ZHX2: variants seen among roughly 807,000 people sequenced by gnomAD.
ZHX2 encodes the protein zinc fingers and homeoboxes 2, also known as zinc fingers and homeoboxes protein 2.
In ZHX2, 6 loss-of-function variants were observed where a neutral mutation model predicts 21.9. That is an observed-to-expected ratio of 0.27 (90% CI 0.15 to 0.54). The LOEUF (loss-of-function observed/expected upper bound fraction) is 0.54. ZHX2 is among the 20% of genes least tolerant of loss of function. The pLI is 0.95. For missense variants in ZHX2, 908 were observed against 1,090.7 expected (o/e 0.83, Z 2.36); for synonymous variants, 434 against 437.1 (o/e 0.99, Z 0.09).
chr8:122,911,965 C>A lies in ZHX2; in HGVS notation c.-219-39327C>A, dbSNP rs140895352. ...CTCTGAGGCCTGGAGGGGACACACGCGCTTGAGCAGCTGCCCCCTGGAATC... is the reference window on the plus strand; with the variant it reads ...CTCTGAGGCCTGGAGGGGACACACGAGCTTGAGCAGCTGCCCCCTGGAATC... On this transcript the variant is annotated intron_variant, in intron 2 of 3. Coordinates refer to ENST00000314393, the MANE Select transcript of ZHX2 (RefSeq NM_014943.5). Among the ~76,000 whole-genome samples, 246 of 152,202 alleles carry A rather than the reference C, an allele frequency of 1.6e-3. 3 individuals carry two copies. Among genetic ancestry groups the A allele is most frequent in the African/African-American group, 5.7e-3 (237 of 41,512 alleles).
At chr8:122,802,752 G>T (rs1201044116) in intron 1 of ZHX2, among the ~76,000 whole-genome samples, 1 of 152,218 alleles carries the variant, frequency 6.6e-6, no homozygotes, top group African/African-American at 2.4e-5. Flanking sequence ...CCAACGCCTG[G>T]CTGGTAAAGT....
At chr8:122,802,718 AG>A (rs1817743062) in intron 1 of ZHX2, among the ~76,000 whole-genome samples, 1 of 152,216 alleles carries the variant, frequency 6.6e-6, no homozygotes, top group South Asian at 2.1e-4. Flanking sequence ...GCAGAGGAGC[AG>A]GGCAGGAGAT....
intron 1 of ZHX2, among the ~76,000 whole-genome samples, chr8:122,796,903 C>G (rs895414639): frequency 1.3e-5 from 2 of 152,170 alleles, no homozygotes; most frequent in Admixed American, 6.5e-5. Context: ...GCTGGTGCCT[C>G]CTTTGGTCTC....
In ZHX2 at chr8:122,953,010, C is replaced by A; in HGVS notation, c.1500C>A (p.His500Gln). ...HRYRCQRGIVHITSESLAKDQ... is the reference protein window; with the variant it reads ...HRYRCQRGIVQITSESLAKDQ... ...ATCGGTGTCAAAGGGGCATCGTCCA[C>A]ATCACCAGCGAATCCCTTGCCAAAG... The change falls in exon 3 of 4, where the codon CAC becomes CAA. Residue 500 changes from histidine to glutamine, a missense_variant. Coordinates refer to ENST00000314393, the MANE Select transcript of ZHX2 (RefSeq NM_014943.5). This position sits in a 1 kb window ranked among gnomAD's most constrained non-coding sequence, Gnocchi z 4.6. 6.2e-7 allele frequency: 1 copy of A among 1,614,042 alleles called. No homozygotes were observed. Among genetic ancestry groups the A allele is most frequent in the Non-Finnish European group, 8.5e-7 (1 of 1,180,024 alleles).
Position 122,875,164 on chromosome 8 carries a change from T to C in ZHX2, c.-220+11625T>C, listed in dbSNP as rs1289265503. ...ATATATATATATATATATATATATATATATATATATATATATATATATATA... is the reference window on the plus strand; with the variant it reads ...ATATATATATATATATATATATATACATATATATATATATATATATATATA... On this transcript the variant is annotated intron_variant, in intron 2 of 3. Coordinates refer to ENST00000314393, the MANE Select transcript of ZHX2 (RefSeq NM_014943.5). Among the ~76,000 whole-genome samples the C allele has an allele frequency of 1.3e-4, 7 of 53,116 alleles. 2 individuals carry two copies. Among genetic ancestry groups the C allele is most frequent in the African/African-American group, 4.1e-4 (5 of 12,176 alleles). The allele number at this position is 53,116 out of a possible 152,430, so 34.8% of individuals were successfully genotyped here. A position where few individuals can be genotyped will look rare whatever the true frequency, so the allele number is the denominator to read the frequency against.
chr8:122,919,147 G>T (rs1219653944), intron 2 of ZHX2, among the ~76,000 whole-genome samples: 1 of 152,072 alleles, frequency 6.6e-6, no homozygotes, highest in Admixed American at 6.6e-5. Flanking sequence ...CATCAGCACA[G>T]CACTTGCTAA....
At chr8:122,885,903 G>A (rs1352307804) in intron 2 of ZHX2, among the ~76,000 whole-genome samples, 11 of 152,318 alleles carry the variant, frequency 7.2e-5, no homozygotes, top group Non-Finnish European at 1.0e-4. Context: ...TAGTGTCTAA[G>A]CCTGATCCAG....
At chr8:122,921,291 C>G (rs939203166) in intron 2 of ZHX2, among the ~76,000 whole-genome samples, 11 of 152,104 alleles carry the variant, frequency 7.2e-5, no homozygotes, top group Non-Finnish European at 1.5e-4. Flanking sequence ...ACCATGTTGG[C>G]CAGGCTGTTC....
intron 1 of ZHX2, among the ~76,000 whole-genome samples, chr8:122,846,451 A>C (rs117035555): frequency 0.032 from 4,941 of 152,204 alleles, 127 homozygotes; most frequent in Non-Finnish European, 0.047. Flanking sequence ...CCAGGGAACC[A>C]GGGAGCAAGT....
chr8:122,892,619 C>T (rs572140937), intron 2 of ZHX2, among the ~76,000 whole-genome samples: 3 of 152,182 alleles, frequency 2.0e-5, no homozygotes, highest in East Asian at 1.9e-4. Flanking sequence ...GTGTTTTCAT[C>T]GTGGTAGTTA....
chr8:122,888,256 T>G (rs998889464), intron 2 of ZHX2, among the ~76,000 whole-genome samples: 9 of 152,098 alleles, frequency 5.9e-5, no homozygotes, highest in African/African-American at 1.9e-4. Flanking sequence ...TTTTTTTTGT[T>G]TTTCTTTTTT....
At position 122,802,587 on chromosome 8, in the gene ZHX2, G is replaced by A. The variant is rs973234659; in HGVS notation, c.-283+20641G>A. ...GTCATGACGTTTCCGTGGAAAGCCCGCATGGTGTTGAGCAAGCAGGCTGCC... is the reference window on the plus strand; with the variant it reads ...GTCATGACGTTTCCGTGGAAAGCCCACATGGTGTTGAGCAAGCAGGCTGCC... On this transcript the variant is annotated intron_variant, in intron 1 of 3. Coordinates refer to ENST00000314393, the MANE Select transcript of ZHX2 (RefSeq NM_014943.5). Among the ~76,000 whole-genome samples the A allele has an allele frequency of 3.3e-5, 5 of 152,298 alleles. No homozygotes were observed. In the East Asian group the frequency reaches 9.6e-4, roughly 29 times the overall value.
rs117040848 is a variant in ZHX2, at chr8:122,817,756, A to G, written c.-283+35810A>G. On this transcript the variant is annotated intron_variant, in intron 1 of 3. Transcript: ENST00000314393. Reference sequence around the variant, plus strand: ...TGCCTTTGGACACCCATTATCCTACAAGACAAAGCTACAGGAGCCAGCTGG... The same window carrying G: ...TGCCTTTGGACACCCATTATCCTACGAGACAAAGCTACAGGAGCCAGCTGG... Among the ~76,000 whole-genome samples, 1,199 of 152,280 alleles carry G rather than the reference A, an allele frequency of 7.9e-3. 13 individuals are homozygous for G. The highest frequency in any genetic ancestry group is 0.037 in the Middle Eastern group (11 of 294).
chr8:122,797,620 TAGTC>T (rs569898383), intron 1 of ZHX2, among the ~76,000 whole-genome samples: 21 of 106,354 alleles, frequency 2.0e-4, no homozygotes, highest in Non-Finnish European at 4.1e-4. Flanking sequence ...TCCTGACACT[TAGTC>T]AGCGCCGTCT....
intron 2 of ZHX2, among the ~76,000 whole-genome samples, chr8:122,876,033 C>T (rs949870909): frequency 1.3e-5 from 2 of 151,760 alleles, no homozygotes; most frequent in Non-Finnish European, 2.9e-5. Context: ...CCATCCATCC[C>T]TCCACCCACC....
intron 2 of ZHX2, among the ~76,000 whole-genome samples, chr8:122,918,513 GT>G (rs1820659003): frequency 6.6e-6 from 1 of 152,060 alleles, no homozygotes; most frequent in African/African-American, 2.4e-5. Context: ...TTCTCACCTC[GT>G]CTTTGGAGGA....
chr8:122,836,254 G>A (rs1162502579), intron 1 of ZHX2, among the ~76,000 whole-genome samples: 1 of 151,972 alleles, frequency 6.6e-6, no homozygotes, highest in East Asian at 1.9e-4. Context: ...AATCAAGAGA[G>A]GCCATGTGGA....
At chr8:122,821,207 C>A (rs947333373) in intron 1 of ZHX2, among the ~76,000 whole-genome samples, 1 of 152,182 alleles carries the variant, frequency 6.6e-6, no homozygotes, top group African/African-American at 2.4e-5. Flanking sequence ...GATCTGCTGG[C>A]AACTCCTGGG....
intron 1 of ZHX2, among the ~76,000 whole-genome samples, chr8:122,845,445 T>C (rs1386767659): frequency 6.6e-6 from 1 of 152,234 alleles, no homozygotes; most frequent in Non-Finnish European, 1.5e-5. Context: ...AAAGAACTAA[T>C]ATTGTCCAGG....
Sources: allele counts gnomAD v4.1 joint callset (sites outside exome capture counted in the v4.1 genomes callset), GRCh38; gene constraint gnomAD v4.1.1; non-coding constraint Gnocchi (gnomAD v3.1); transcripts MANE v1.5; gene names NCBI Gene and HGNC (gene_info 2026-07-23, HGNC 2026-07-21).